TAFA2: variants seen among roughly 807,000 people sequenced by gnomAD.
TAFA2 encodes chemokine-like protein TAFA-2.
A neutral mutation model predicts 18.8 loss-of-function variants in TAFA2; 7 were observed. The ratio of observed to expected loss-of-function variants is 0.37; its 90% CI spans 0.21 to 0.70. The LOEUF (loss-of-function observed/expected upper bound fraction) is 0.70. TAFA2 is among the 30% of genes least tolerant of loss of function. The pLI, the probability that TAFA2 is intolerant of heterozygous loss-of-function variation, is 0.53. For missense variants in TAFA2, 122 were observed against 158.1 expected, an observed-to-expected ratio of 0.77 and a Z score of 1.23; for synonymous variants, 60 against 54.2, an observed-to-expected ratio of 1.11 and a Z score of -0.47.
At chr12:61,871,706 C>T (rs1874610398) in intron 1 of TAFA2, among the ~76,000 whole-genome samples, 1 of 152,172 alleles carries the variant, frequency 6.6e-6, no homozygotes, top group African/African-American at 2.4e-5. Flanking sequence ...GACTTTCTCC[C>T]ACTCTTCTCT....
At chr12:61,880,625 C>T (rs1299527738) in intron 1 of TAFA2, 1 of 410,678 alleles carries the variant, frequency 2.4e-6, no homozygotes, top group East Asian at 6.4e-5. Flanking sequence ...AAGCCCCCCT[C>T]CTCAGCTATG....
chr12:62,090,013 C>G (rs1392857446), intron 1 of TAFA2, among the ~76,000 whole-genome samples: 1 of 152,026 alleles, frequency 6.6e-6, no homozygotes, highest in African/African-American at 2.4e-5. Flanking sequence ...TTATGTGCTA[C>G]CCAAATATTA....
chr12:62,081,882 T>C (rs1868330906), intron 1 of TAFA2, among the ~76,000 whole-genome samples: 1 of 152,014 alleles, frequency 6.6e-6, no homozygotes, highest in Non-Finnish European at 1.5e-5. Context: ...GCACAGATCA[T>C]CCCATCACCT....
chr12:61,932,676 G>T (rs145407122), intron 1 of TAFA2, among the ~76,000 whole-genome samples: 1 of 152,056 alleles, frequency 6.6e-6, no homozygotes, highest in Non-Finnish European at 1.5e-5. Flanking sequence ...TCTTGACCTC[G>T]TGATCTGTCC....
chr12:61,800,158 TA>T (rs1871346656), intron 2 of TAFA2, among the ~76,000 whole-genome samples: 1 of 152,186 alleles, frequency 6.6e-6, no homozygotes, highest in Non-Finnish European at 1.5e-5. Context: ...ATAATATAAT[TA>T]GTCATAGTAA....
chr12:61,939,753 C>CT (rs1485884457), intron 1 of TAFA2, among the ~76,000 whole-genome samples: 1 of 152,200 alleles, frequency 6.6e-6, no homozygotes, highest in Non-Finnish European at 1.5e-5. Context: ...CTTCACGTGA[C>CT]TTTTCTTTTC....
intron 1 of TAFA2, among the ~76,000 whole-genome samples, chr12:62,117,035 G>A (rs1869992571): frequency 6.6e-6 from 1 of 152,128 alleles, no homozygotes; most frequent in Admixed American, 6.6e-5. Flanking sequence ...ATGGCCAACT[G>A]CAAGCCAAAG....
At chr12:62,235,510 G>A (rs548049223) in intron 1 of TAFA2, 3 of 539,322 alleles carry the variant, frequency 5.6e-6, no homozygotes, top group Admixed American at 6.1e-5. Context: ...GTGGTCGGCT[G>A]TACATGAAGA....
intron 1 of TAFA2, among the ~76,000 whole-genome samples, chr12:62,129,511 C>T (rs1332155161): frequency 6.6e-6 from 1 of 152,028 alleles, no homozygotes; most frequent in South Asian, 2.1e-4. Flanking sequence ...TGCAGTTCAC[C>T]GATACGGTGG....
At chr12:62,115,377 C>T (rs931742341) in intron 1 of TAFA2, among the ~76,000 whole-genome samples, 8 of 152,080 alleles carry the variant, frequency 5.3e-5, no homozygotes, top group Non-Finnish European at 1.0e-4. Context: ...CATATTACAG[C>T]GCTATGGTAA....
At chr12:62,087,166 G>T (rs76991111) in intron 1 of TAFA2, among the ~76,000 whole-genome samples, 8,696 of 152,110 alleles carry the variant, frequency 0.057, 340 homozygotes, top group South Asian at 0.091. Context: ...GTTAGTGCTT[G>T]GTGGGTGTAG....
intron 1 of TAFA2, among the ~76,000 whole-genome samples, chr12:61,980,615 G>C (rs555990287): frequency 6.6e-6 from 1 of 152,238 alleles, no homozygotes; most frequent in African/African-American, 2.4e-5. Context: ...AAAGTCTCAG[G>C]ATACAAAATC....
intron 2 of TAFA2, among the ~76,000 whole-genome samples, chr12:61,863,195 G>T (rs1283582372): frequency 6.6e-6 from 1 of 152,166 alleles, no homozygotes; most frequent in Non-Finnish European, 1.5e-5. Flanking sequence ...ATCAGTCTGT[G>T]CTCCTTACAC....
intron 4 of TAFA2, among the ~76,000 whole-genome samples, chr12:61,730,968 G>A (rs1870415119): frequency 6.6e-6 from 1 of 152,082 alleles, no homozygotes; most frequent in Non-Finnish European, 1.5e-5. Context: ...TTAGCACTCA[G>A]TTGAAATTAT....
At chr12:62,003,247 T>C (rs942294108) in intron 1 of TAFA2, among the ~76,000 whole-genome samples, 4 of 152,136 alleles carry the variant, frequency 2.6e-5, no homozygotes, top group African/African-American at 9.7e-5. Context: ...GTGGCTTCCA[T>C]CTCACTCAGA....
intron 4 of TAFA2, among the ~76,000 whole-genome samples, chr12:61,734,914 T>C (rs986466605): frequency 2.6e-5 from 4 of 152,056 alleles, no homozygotes; most frequent in Non-Finnish European, 5.9e-5. Flanking sequence ...TTTTATGAGT[T>C]GACAACCTCT....
At chr12:62,019,126 T>C (rs1881034375) in intron 1 of TAFA2, among the ~76,000 whole-genome samples, 1 of 152,142 alleles carries the variant, frequency 6.6e-6, no homozygotes, top group African/African-American at 2.4e-5. Context: ...CACAATGAGA[T>C]ACCATCTCAC....
At chr12:62,250,179 C>T (rs2062905890) in intron 1 of TAFA2, among the ~76,000 whole-genome samples, 1 of 152,138 alleles carries the variant, frequency 6.6e-6, no homozygotes, top group Non-Finnish European at 1.5e-5. Flanking sequence ...TATTTCCCTT[C>T]GTCTTGAATA....
intron 2 of TAFA2, among the ~76,000 whole-genome samples, chr12:61,867,089 T>C (rs1874386614): frequency 6.6e-6 from 1 of 152,086 alleles, no homozygotes; most frequent in South Asian, 2.1e-4. Context: ...AGAGTTCTAT[T>C]TCCATATTCT....
Sources: gnomAD v4.1 joint callset for allele counts (sites outside exome capture counted in the v4.1 genomes callset) on GRCh38, gnomAD v4.1.1 for gene constraint, MANE v1.5 for transcripts, NCBI Gene and HGNC (gene_info 2026-07-23, HGNC 2026-07-21) for gene names.